Variants in FAF1 observed in about 807,000 individuals in gnomAD.
The protein encoded by FAF1 is FAS-associated factor 1.
In FAF1, 25 loss-of-function variants were observed where a neutral mutation model predicts 92.5. That is an observed-to-expected ratio of 0.27 (90% CI 0.20 to 0.38). The LOEUF (loss-of-function observed/expected upper bound fraction) is 0.38, where lower values mean the gene tolerates loss of function less well. Among genes scored for constraint, FAF1 ranks in the 10% least tolerant of loss-of-function variants. FAF1 has a pLI of 1.00. For missense variants in FAF1, 636 were observed against 793.3 expected (o/e 0.80, Z 2.38); for synonymous variants, 234 against 273.2 (o/e 0.86, Z 1.42).
chr1:50,880,974 T>TA (rs1260982121), intron 1 of FAF1, among the ~76,000 whole-genome samples: 2 of 152,070 alleles, frequency 1.3e-5, no homozygotes, highest in Non-Finnish European at 1.5e-5. Context: ...ATAAAAGAAT[T>TA]ACCTGGATAT....
At chr1:50,940,491 G>C (rs915957347) in intron 1 of FAF1, among the ~76,000 whole-genome samples, 1 of 152,018 alleles carries the variant, frequency 6.6e-6, no homozygotes, top group Admixed American at 6.5e-5. Context: ...TCAAACACGT[G>C]GTCTCAAGCA....
chr1:50,778,313 C>T (rs1004449816), intron 4 of FAF1, among the ~76,000 whole-genome samples: 4 of 152,042 alleles, frequency 2.6e-5, no homozygotes, highest in African/African-American at 7.2e-5. Flanking sequence ...AATAAATATT[C>T]TCTATCTGGA....
At chr1:50,728,525 T>G (rs1658757774) in intron 6 of FAF1, among the ~76,000 whole-genome samples, 1 of 152,086 alleles carries the variant, frequency 6.6e-6, no homozygotes, top group African/African-American at 2.4e-5. Flanking sequence ...GCACAGTGGC[T>G]CATGCCTGCA....
intron 2 of FAF1, among the ~76,000 whole-genome samples, chr1:50,837,514 C>G (rs1306792058): frequency 2.6e-5 from 4 of 152,074 alleles, no homozygotes; most frequent in African/African-American, 9.7e-5. Flanking sequence ...TCTTTCTTTA[C>G]AAATATTTTT....
At chr1:50,911,051 G>A (rs763754278) in intron 1 of FAF1, among the ~76,000 whole-genome samples, 18 of 151,656 alleles carry the variant, frequency 1.2e-4, no homozygotes, top group Non-Finnish European at 2.1e-4. Flanking sequence ...ACCACTATCC[G>A]GAATTTTGCT....
intron 1 of FAF1, among the ~76,000 whole-genome samples, chr1:50,921,320 C>T (rs527956370): frequency 3.9e-5 from 6 of 152,328 alleles, no homozygotes; most frequent in East Asian, 1.9e-4. Flanking sequence ...TCAGTGGCTG[C>T]GTGCACCATC....
intron 8 of FAF1, among the ~76,000 whole-genome samples, chr1:50,600,320 A>AG (rs1652036693): frequency 6.6e-6 from 1 of 152,222 alleles, no homozygotes; most frequent in South Asian, 2.1e-4. Flanking sequence ...ATAACTCACA[A>AG]GACCAATATT....
chr1:50,571,758 T>C (rs1347798912), intron 12 of FAF1, among the ~76,000 whole-genome samples: 1 of 152,166 alleles, frequency 6.6e-6, no homozygotes, highest in East Asian at 1.9e-4. Flanking sequence ...TGAGCTACAG[T>C]AGCTATTGTA....
intron 15 of FAF1, among the ~76,000 whole-genome samples, chr1:50,504,250 T>A (rs928038341): frequency 1.3e-5 from 2 of 151,910 alleles, no homozygotes; most frequent in Non-Finnish European, 2.9e-5. Context: ...GTCAAGAGTA[T>A]CCAATATGCA....
At chr1:50,866,160 T>G (rs1480776747) in intron 1 of FAF1, among the ~76,000 whole-genome samples, 1 of 152,052 alleles carries the variant, frequency 6.6e-6, no homozygotes, top group Non-Finnish European at 1.5e-5. Flanking sequence ...TTCTCTGTGA[T>G]TAAAACCCTC....
chr1:50,724,694 A>C (rs147078631), intron 6 of FAF1, among the ~76,000 whole-genome samples: 2 of 152,340 alleles, frequency 1.3e-5, no homozygotes, highest in Non-Finnish European at 2.9e-5. Flanking sequence ...CTCTTAGTGG[A>C]AAAATAGAGC....
chr1:50,953,805 T>G (rs929667129), intron 1 of FAF1, among the ~76,000 whole-genome samples: 1 of 152,008 alleles, frequency 6.6e-6, no homozygotes, highest in Non-Finnish European at 1.5e-5. Context: ...TATTACTAGC[T>G]GAAAAGACTA....
intron 8 of FAF1, among the ~76,000 whole-genome samples, chr1:50,610,454 C>A (rs1057027001): frequency 6.6e-6 from 1 of 152,040 alleles, no homozygotes; most frequent in South Asian, 2.1e-4. Flanking sequence ...AAAATAAAAA[C>A]AAATGCATGT....
intron 1 of FAF1, among the ~76,000 whole-genome samples, chr1:50,901,423 T>C (rs1009204537): frequency 5.9e-5 from 9 of 152,128 alleles, no homozygotes; most frequent in African/African-American, 2.2e-4. Flanking sequence ...GGGCTGAACA[T>C]GGTGGCTCAT....
intron 1 of FAF1, among the ~76,000 whole-genome samples, chr1:50,909,746 C>G (rs918249185): frequency 6.6e-6 from 1 of 152,214 alleles, no homozygotes; most frequent in African/African-American, 2.4e-5. Flanking sequence ...AAGGTCTTCT[C>G]TACGCTGTTT....
intron 13 of FAF1, among the ~76,000 whole-genome samples, chr1:50,561,532 TA>T (rs1649899158): frequency 6.6e-6 from 1 of 152,124 alleles, no homozygotes; most frequent in Admixed American, 6.6e-5. Flanking sequence ...ACTTACTCTT[TA>T]AAAGGTAGTT....
At chr1:50,738,822 A>G (rs755175842) in intron 6 of FAF1, 41 bp downstream of exon 6, 13 of 1,310,960 alleles carry the variant, frequency 9.9e-6, no homozygotes, top group Non-Finnish European at 1.3e-5. Flanking sequence ...TTAACAACTG[A>G]GTTTTTCATT....
intron 1 of FAF1, among the ~76,000 whole-genome samples, chr1:50,909,000 C>T (rs1308194390): frequency 2.0e-5 from 3 of 152,194 alleles, no homozygotes; most frequent in Non-Finnish European, 4.4e-5. Flanking sequence ...CATGTTTTTG[C>T]AGTGTCCAGT....
intron 15 of FAF1, among the ~76,000 whole-genome samples, chr1:50,492,280 C>T (rs1312280645): frequency 3.3e-5 from 5 of 152,100 alleles, no homozygotes; most frequent in African/African-American, 1.2e-4. Context: ...GAAGTAATCC[C>T]TGGGTCAGTG....
Sources: gnomAD v4.1 joint callset for allele counts (sites outside exome capture counted in the v4.1 genomes callset) on GRCh38, gnomAD v4.1.1 for gene constraint, MANE v1.5 for transcripts, NCBI Gene and HGNC (gene_info 2026-07-23, HGNC 2026-07-21) for gene names.